Variants in DPP10 observed in about 807,000 individuals in gnomAD.
DPP10 encodes the protein inactive dipeptidyl peptidase 10.
Under a neutral mutation model 120.9 loss-of-function variants are expected in DPP10, and 33 were observed. The ratio of observed to expected loss-of-function variants is 0.27; its 90% CI spans 0.21 to 0.37. The LOEUF (loss-of-function observed/expected upper bound fraction) is 0.37. DPP10 is among the 10% of genes least tolerant of loss of function. The probability of loss-of-function intolerance (pLI) is 1.00; values close to 1 mark genes in which losing one functional copy is unlikely to be tolerated. For missense variants in DPP10, 816 were observed against 942.8 expected (o/e 0.87, Z 1.76); for synonymous variants, 337 against 326.1 (o/e 1.03, Z -0.36).
intron 1 of DPP10, among the ~76,000 whole-genome samples, chr2:115,113,436 C>A (rs573762832): frequency 6.6e-6 from 1 of 151,802 alleles, no homozygotes; most frequent in South Asian, 2.1e-4. Context: ...ACGTTTTTTG[C>A]TCTTTTTTGC....
chr2:114,537,507 T>A (rs1686606187), intron 1 of DPP10, among the ~76,000 whole-genome samples: 1 of 152,204 alleles, frequency 6.6e-6, no homozygotes, highest in Non-Finnish European at 1.5e-5. Context: ...GGAGACTTTT[T>A]TTTTTGGTCC....
intron 3 of DPP10, among the ~76,000 whole-genome samples, chr2:115,405,900 C>T (rs193078712): frequency 6.6e-6 from 1 of 152,134 alleles, no homozygotes; most frequent in African/African-American, 2.4e-5. Flanking sequence ...GGAGAAACAG[C>T]CTGGAAGATC....
At chr2:114,701,038 A>G (rs967328464) in intron 1 of DPP10, among the ~76,000 whole-genome samples, 2 of 151,950 alleles carry the variant, frequency 1.3e-5, no homozygotes, top group Non-Finnish European at 1.5e-5. Context: ...TTATTATTCA[A>G]TTTAAGAGAG....
chr2:115,157,737 A>T (rs1330497221), intron 1 of DPP10, among the ~76,000 whole-genome samples: 4 of 152,212 alleles, frequency 2.6e-5, no homozygotes, highest in African/African-American at 4.8e-5. Flanking sequence ...TATGAACTAA[A>T]GCTATTTCTT....
At chr2:114,702,741 G>A (rs2105822765) in intron 1 of DPP10, among the ~76,000 whole-genome samples, 1 of 152,234 alleles carries the variant, frequency 6.6e-6, no homozygotes, top group East Asian at 1.9e-4. Context: ...ATCAGGCACA[G>A]GTTTCTTGGA....
At chr2:115,529,413 C>T (rs1450876147) in intron 5 of DPP10, among the ~76,000 whole-genome samples, 3 of 151,728 alleles carry the variant, frequency 2.0e-5, no homozygotes, top group Admixed American at 6.6e-5. Context: ...AGGGGATCCA[C>T]CCGCTTCAGC....
At chr2:115,133,574 A>G (rs2050494052) in intron 1 of DPP10, among the ~76,000 whole-genome samples, 1 of 152,134 alleles carries the variant, frequency 6.6e-6, no homozygotes, top group African/African-American at 2.4e-5. Flanking sequence ...GTCGTGAGGT[A>G]TCTATTATAT....
chr2:115,788,443 A>T (rs560187361), intron 17 of DPP10, among the ~76,000 whole-genome samples: 4 of 152,342 alleles, frequency 2.6e-5, no homozygotes, highest in African/African-American at 9.6e-5. Context: ...AGCAGTAGAG[A>T]AAATGTATGA....
At chr2:114,901,336 T>C (rs771022226) in intron 1 of DPP10, among the ~76,000 whole-genome samples, 2 of 152,162 alleles carry the variant, frequency 1.3e-5, no homozygotes, top group Non-Finnish European at 2.9e-5. Context: ...CAGATGGGAC[T>C]ACAGGCACCT....
intron 1 of DPP10, among the ~76,000 whole-genome samples, chr2:114,621,254 CA>C (rs1191259783): frequency 6.6e-6 from 1 of 152,042 alleles, no homozygotes; most frequent in Non-Finnish European, 1.5e-5. Context: ...ACTTAAGAAC[CA>C]AACTTCTAGA....
In DPP10 at chr2:114,870,660, A is replaced by G. The variant is rs146113427; in HGVS notation, c.60+427822A>G. On this transcript the variant is annotated intron_variant, in intron 1 of 25. Coordinates refer to ENST00000410059, the MANE Select transcript of DPP10 (RefSeq NM_020868.6). ...ATCTCAAAAAAAATATTTTGATAAT[A>G]TCACAAAAGAGGATGAGTTTCTGTT... is the stretch of plus-strand genomic sequence containing the variant. Among the ~76,000 whole-genome samples the G allele has an allele frequency of 8.1e-3, 1,101 of 135,672 alleles. 165 individuals carry two copies. Among genetic ancestry groups the G allele is most frequent in the African/African-American group, 0.027 (1,055 of 38,784 alleles). The allele number at this position is 135,672 out of a possible 152,430, so 89.0% of individuals were successfully genotyped here.
intron 1 of DPP10, among the ~76,000 whole-genome samples, chr2:114,572,907 G>C (rs543615801): frequency 6.6e-6 from 1 of 152,176 alleles, no homozygotes; most frequent in South Asian, 2.1e-4. Flanking sequence ...ATTTAAAGTC[G>C]TGTAGAAAAC....
chr2:115,495,393 G>A (rs988898528), intron 3 of DPP10, among the ~76,000 whole-genome samples: 16 of 56,686 alleles, frequency 2.8e-4, no homozygotes, highest in Non-Finnish European at 3.4e-4. Context: ...AAAGTTTTTC[G>A]TTCTGATTTA....
rs181130551 is a variant in DPP10 at position 115,430,144 on chromosome 2, G to A, written c.272-69366G>A. ...AGTTAGATGGAGTGGATTTGGAACC[G>A]ATTTAAGATTTTTTAATGAGCAGAT... On this transcript the variant is annotated intron_variant, in intron 3 of 25. Coordinates refer to ENST00000410059, the MANE Select transcript of DPP10 (RefSeq NM_020868.6). Among the ~76,000 whole-genome samples, 525 of 152,236 alleles carry A rather than the reference G, an allele frequency of 3.4e-3. 5 individuals are homozygous for A. The highest frequency in any genetic ancestry group is 0.014 in the Middle Eastern group (4 of 294).
chr2:115,070,288 G>A (rs560220463), intron 1 of DPP10, among the ~76,000 whole-genome samples: 50 of 152,134 alleles, frequency 3.3e-4, no homozygotes, highest in East Asian at 3.9e-4. Context: ...CAAGAGGAAT[G>A]TTCTATATTT....
chr2:114,677,863 GTAGT>G (rs1698772191), intron 1 of DPP10, among the ~76,000 whole-genome samples: 1 of 152,118 alleles, frequency 6.6e-6, no homozygotes, highest in South Asian at 2.1e-4. Context: ...ATTCATGAGA[GTAGT>G]TATTTATATG....
At chr2:115,655,423 A>G in intron 5 of DPP10, among the ~76,000 whole-genome samples, 1 of 151,704 alleles carries the variant, frequency 6.6e-6, no homozygotes, top group South Asian at 2.1e-4. Flanking sequence ...AGTTCTTTAG[A>G]AAACTTTTTG....
rs546680260 is a variant in DPP10, at chr2:115,642,896, A to G, written c.442-46791A>G. On this transcript the variant is annotated intron_variant, in intron 5 of 25. Transcript: ENST00000410059. ...AATATACTATGTTGTAGTTCAAAAT[A>G]TACTATTGAAAAAATTTACATAACC... Among the ~76,000 whole-genome samples, 71 of 152,216 alleles carry G rather than the reference A, an allele frequency of 4.7e-4. 1 individual carries two copies. The highest frequency in any genetic ancestry group is 2.9e-4 in the Non-Finnish European group (20 of 68,002).
intron 1 of DPP10, among the ~76,000 whole-genome samples, chr2:114,874,952 G>A (rs182596620): frequency 1.3e-5 from 2 of 152,168 alleles, no homozygotes; most frequent in South Asian, 4.1e-4. Context: ...TGCTGTTCAG[G>A]TATATGCCAG....
Sources: allele counts gnomAD v4.1 joint callset (sites outside exome capture counted in the v4.1 genomes callset), GRCh38; gene constraint gnomAD v4.1.1; transcripts MANE v1.5; gene names NCBI Gene and HGNC (gene_info 2026-07-23, HGNC 2026-07-21).